The following TENM2 variants were observed in gnomAD, a reference collection of about 807,000 sequenced individuals.
TENM2 encodes the protein teneurin transmembrane protein 2, also known as teneurin-2.
A neutral mutation model predicts 245.2 loss-of-function variants in TENM2; 52 were observed. The observed-to-expected ratio is 0.21, with a 90% confidence interval of 0.17 to 0.27. The LOEUF (loss-of-function observed/expected upper bound fraction) is 0.27. Ranked by LOEUF, TENM2 falls within the 10% of genes least tolerant of loss-of-function variation. The pLI is 1.00. For missense variants in TENM2, 3,046 were observed against 3,666.8 expected (o/e 0.83, Z 4.37); for synonymous variants, 1,363 against 1,438.9 (o/e 0.95, Z 1.19).
intron 2 of TENM2, among the ~76,000 whole-genome samples, chr5:167,658,152 AC>A (rs1489736800): frequency 6.6e-6 from 1 of 151,710 alleles, no homozygotes; most frequent in African/African-American, 2.4e-5. Flanking sequence ...TCTGATGAGG[AC>A]CTTCTTGCTG....
At chr5:167,336,018 C>G (rs745647911) in intron 1 of TENM2, among the ~76,000 whole-genome samples, 26 of 152,064 alleles carry the variant, frequency 1.7e-4, no homozygotes, top group Non-Finnish European at 2.9e-4. Context: ...TCAGACCACA[C>G]AATAGTAAGT....
At chr5:167,114,367 G>T in the TENM2 span, among the ~76,000 whole-genome samples, 1 of 152,056 alleles carries the variant, frequency 6.6e-6, no homozygotes, top group Non-Finnish European at 1.5e-5. Context: ...TAATTTATTT[G>T]TGAAAAATCG....
intron 1 of TENM2, among the ~76,000 whole-genome samples, chr5:167,353,663 A>T (rs992703679): frequency 6.7e-6 from 1 of 150,310 alleles, no homozygotes; most frequent in Non-Finnish European, 1.5e-5. Context: ...GCCCGCCACT[A>T]CGCCCGGCTA....
At chr5:167,889,590 C>T (rs564454668) in intron 3 of TENM2, among the ~76,000 whole-genome samples, 2 of 152,250 alleles carry the variant, frequency 1.3e-5, no homozygotes, top group South Asian at 4.1e-4. Context: ...ACATGTCGCT[C>T]TTCCTGTAGT....
chr5:168,055,024 A>G (rs1043759115), intron 6 of TENM2, among the ~76,000 whole-genome samples: 27 of 152,188 alleles, frequency 1.8e-4, no homozygotes, highest in African/African-American at 6.5e-4. Context: ...GGAGACATGA[A>G]CTGGACTGGT....
At chr5:167,330,909 G>C (rs1227356215) in intron 1 of TENM2, among the ~76,000 whole-genome samples, 1 of 151,996 alleles carries the variant, frequency 6.6e-6, no homozygotes, top group Non-Finnish European at 1.5e-5. Flanking sequence ...GTCACTACAG[G>C]CTTTTAAGTA....
the TENM2 span, among the ~76,000 whole-genome samples, chr5:167,211,403 C>T: frequency 6.6e-6 from 1 of 152,244 alleles, no homozygotes; most frequent in Admixed American, 6.5e-5. Context: ...TGATTTGATC[C>T]TCAACTATCA....
At chr5:167,920,758 T>G (rs1193297189) in intron 3 of TENM2, among the ~76,000 whole-genome samples, 1 of 152,168 alleles carries the variant, frequency 6.6e-6, no homozygotes, top group East Asian at 1.9e-4. Flanking sequence ...AGGAACAGTT[T>G]TCTGTGTATT....
chr5:167,897,980 G>A (rs1467076546), intron 3 of TENM2, among the ~76,000 whole-genome samples: 1 of 150,952 alleles, frequency 6.6e-6, no homozygotes, highest in Non-Finnish European at 1.5e-5. Context: ...TTCGTGGTGG[G>A]CAAAGTGATT....
intron 4 of TENM2, among the ~76,000 whole-genome samples, chr5:167,964,975 A>G (rs1403499567): frequency 1.3e-5 from 2 of 152,162 alleles, no homozygotes; most frequent in African/African-American, 4.8e-5. Context: ...TGATAAATGG[A>G]TTGGGGGGCA....
intron 2 of TENM2, among the ~76,000 whole-genome samples, chr5:167,573,023 T>G (rs1255274629): frequency 1.3e-5 from 2 of 152,138 alleles, no homozygotes; most frequent in African/African-American, 4.8e-5. Context: ...CGTTTAAACT[T>G]GAACTAGGAA....
At position 167,715,059 on chromosome 5, in the gene TENM2, A is replaced by C. The variant is rs543755524; in HGVS notation, c.503-160927A>C. ...TTATACTGATTTTAGTGTGAGGCTC[A>C]AAGGATGCCAAGAAACACAGGACAT... On this transcript the variant is annotated intron_variant, in intron 2 of 28. Transcript: ENST00000518659. Among the ~76,000 whole-genome samples the C allele has an allele frequency of 3.3e-5, 5 of 152,302 alleles. No homozygotes were observed. In the East Asian group the frequency reaches 9.6e-4, roughly 29 times the overall value.
At chr5:168,126,783 G>A (rs903712399) in exon 12 of TENM2, 6 of 1,612,892 alleles carry the variant, frequency 3.7e-6, no homozygotes, top group Admixed American at 1.7e-5. Context: ...TGGCACTCAC[G>A]GCGTCTGCAT....
At chr5:166,990,418 G>A in the TENM2 span, among the ~76,000 whole-genome samples, 49 of 152,258 alleles carry the variant, frequency 3.2e-4, no homozygotes, top group Admixed American at 1.0e-3. Flanking sequence ...ATGAGATACT[G>A]AAGTGTTATT....
chr5:167,567,054 A>C (rs1190536169), intron 2 of TENM2, among the ~76,000 whole-genome samples: 1 of 36,866 alleles, frequency 2.7e-5, no homozygotes. Flanking sequence ...AATTATAATA[A>C]GCCAATAAAC....
At chr5:167,084,654 G>A in the TENM2 span, among the ~76,000 whole-genome samples, 1 of 151,796 alleles carries the variant, frequency 6.6e-6, no homozygotes, top group Admixed American at 6.6e-5. Context: ...TTTTTTCTCA[G>A]CTTCTATCTC....
At chr5:167,250,656 T>C in the TENM2 span, among the ~76,000 whole-genome samples, 2 of 152,120 alleles carry the variant, frequency 1.3e-5, no homozygotes, top group Admixed American at 1.3e-4. Context: ...TATGAGGCCA[T>C]TCCATCCCAT....
chr5:168,241,079 C>T (rs1766053662), intron 25 of TENM2: 1 of 151,700 alleles, frequency 6.6e-6, no homozygotes, highest in South Asian at 2.1e-4. Flanking sequence ...ACTTTTGGAC[C>T]TGTTTTTAAA....
intron 2 of TENM2, among the ~76,000 whole-genome samples, chr5:167,611,887 T>A (rs1777498691): frequency 6.6e-6 from 1 of 152,154 alleles, no homozygotes; most frequent in African/African-American, 2.4e-5. Flanking sequence ...ACCATCACAT[T>A]TGGGACTAGG....
Sources: allele counts gnomAD v4.1 joint callset (sites outside exome capture counted in the v4.1 genomes callset), GRCh38; gene constraint gnomAD v4.1.1; transcripts MANE v1.5; gene names NCBI Gene and HGNC (gene_info 2026-07-23, HGNC 2026-07-21).